ZFAT: variants seen among roughly 807,000 people sequenced by gnomAD.
ZFAT encodes zinc finger protein ZFAT.
Under a neutral mutation model 117.7 loss-of-function variants are expected in ZFAT, and 64 were observed. The ratio of observed to expected loss-of-function variants is 0.54; its 90% CI spans 0.44 to 0.67. The LOEUF (loss-of-function observed/expected upper bound fraction) is 0.67. Among genes scored for constraint, ZFAT ranks in the 30% least tolerant of loss-of-function variants. The probability of loss-of-function intolerance (pLI) is 0.00; values close to 1 mark genes in which losing one functional copy is unlikely to be tolerated. For synonymous variants in ZFAT, 679 were observed against 615.0 expected (o/e 1.10, Z -1.54); for missense variants, 1,433 against 1,584.5 (o/e 0.90, Z 1.62).
intron 1 of ZFAT, among the ~76,000 whole-genome samples, chr8:134,679,022 GGC>G (rs1240507985): frequency 1.3e-5 from 2 of 152,126 alleles, no homozygotes; most frequent in African/African-American, 4.8e-5. Flanking sequence ...TCAGGACATA[GGC>G]ATAGCAAAGA....
intron 7 of ZFAT, chr8:134,599,477 C>A: frequency 3.6e-6 from 1 of 275,900 alleles, no homozygotes; most frequent in Non-Finnish European, 7.1e-6. Context: ...TCATACAGGT[C>A]TCAGGGAAGA....
At chr8:134,696,539 TCTC>T (rs1833852716) in intron 1 of ZFAT, 1 of 985,788 alleles carries the variant, frequency 1.0e-6, no homozygotes, top group East Asian at 1.1e-4. Flanking sequence ...CACCCTTTCT[TCTC>T]AGACTCCTGC....
the ZFAT span, among the ~76,000 whole-genome samples, chr8:134,771,096 T>C: frequency 1.3e-5 from 2 of 152,246 alleles, no homozygotes; most frequent in Admixed American, 1.3e-4. Context: ...AAGTACTTGA[T>C]GTCTGTCACC....
chr8:134,616,678 C>T (rs1303265233), intron 3 of ZFAT, among the ~76,000 whole-genome samples: 5 of 152,186 alleles, frequency 3.3e-5, no homozygotes, highest in African/African-American at 1.2e-4. Flanking sequence ...ATGGGTTTTG[C>T]TTCTCCCTCT....
intron 15 of ZFAT, among the ~76,000 whole-genome samples, chr8:134,488,413 G>A (rs551342088): frequency 6.6e-6 from 1 of 152,232 alleles, no homozygotes; most frequent in African/African-American, 2.4e-5. Context: ...GGAACGTGAA[G>A]TTACATAACA....
At chr8:134,647,315 T>C (rs1216030838) in intron 2 of ZFAT, among the ~76,000 whole-genome samples, 1 of 152,104 alleles carries the variant, frequency 6.6e-6, no homozygotes, top group Non-Finnish European at 1.5e-5. Context: ...TTGACAAAAT[T>C]CAACAACCCT....
chr8:134,619,875 T>C (rs376308833), intron 3 of ZFAT, among the ~76,000 whole-genome samples: 1 of 152,162 alleles, frequency 6.6e-6, no homozygotes, highest in Admixed American at 6.5e-5. Flanking sequence ...ACTGTCTCCA[T>C]GAGTGGTACA....
chr8:134,800,959 C>T, the ZFAT span, among the ~76,000 whole-genome samples: 2 of 152,086 alleles, frequency 1.3e-5, no homozygotes, highest in African/African-American at 2.4e-5. Context: ...CAATAAATGC[C>T]GACATCCTGT....
At chr8:134,589,400 A>G (rs897087140) in intron 8 of ZFAT, among the ~76,000 whole-genome samples, 1 of 152,256 alleles carries the variant, frequency 6.6e-6, no homozygotes, top group African/African-American at 2.4e-5. Flanking sequence ...TCAGTGAGTC[A>G]GTTCCCTTAT....
intron 15 of ZFAT, among the ~76,000 whole-genome samples, chr8:134,505,387 A>C (rs1819324617): frequency 1.3e-5 from 2 of 152,180 alleles, no homozygotes; most frequent in African/African-American, 4.8e-5. Flanking sequence ...GGGCACAGTA[A>C]TGCCCGCACC....
the ZFAT span, among the ~76,000 whole-genome samples, chr8:134,790,064 T>C: frequency 7.2e-5 from 11 of 152,222 alleles, no homozygotes; most frequent in Non-Finnish European, 4.4e-5. Flanking sequence ...TTAATTTTCA[T>C]ACTAAATGGT....
the ZFAT span, among the ~76,000 whole-genome samples, chr8:134,722,475 C>A: frequency 5.5e-4 from 84 of 152,326 alleles, no homozygotes; most frequent in African/African-American, 1.9e-3. Flanking sequence ...CCTGGCCAGG[C>A]CCTCGTGACT....
intron 10 of ZFAT, among the ~76,000 whole-genome samples, chr8:134,581,252 A>G (rs16905187): frequency 0.012 from 1,847 of 152,184 alleles, 37 homozygotes; most frequent in African/African-American, 0.042. Flanking sequence ...CTGTTTACCA[A>G]GCCAGTCCCA....
chr8:134,712,739 G>GGCGGCCGGCGCGGCCGGCGGCCGGC (rs1245557085), intron 1 of ZFAT, 106 bp downstream of exon 1: 3 of 1,135,862 alleles, frequency 2.6e-6, no homozygotes, highest in Non-Finnish European at 2.3e-6. Context: ...GCCGGCGGCC[G>GGCGGCCGGCGCGGCCGGCGGCCGGC]GCGGCCGGCG....
chr8:134,699,354 C>T (rs1296184660), intron 1 of ZFAT, among the ~76,000 whole-genome samples: 1 of 152,212 alleles, frequency 6.6e-6, no homozygotes, highest in Non-Finnish European at 1.5e-5. Context: ...AGCTAACCCA[C>T]AGCCTGCAGG....
chr8:134,701,096 G>A (rs1008241806), intron 1 of ZFAT, among the ~76,000 whole-genome samples: 3 of 152,006 alleles, frequency 2.0e-5, no homozygotes, highest in Non-Finnish European at 4.4e-5. Context: ...ACATTGTTGT[G>A]CAACCATCTC....
At chr8:134,519,620 A>G (rs746113185) in intron 13 of ZFAT, among the ~76,000 whole-genome samples, 1 of 152,154 alleles carries the variant, frequency 6.6e-6, no homozygotes, top group Non-Finnish European at 1.5e-5. Context: ...TCATCCTATT[A>G]TATGTATAGA....
At chr8:134,510,572 G>T in intron 14 of ZFAT, 1 of 168,800 alleles carries the variant, frequency 5.9e-6, no homozygotes, top group Non-Finnish European at 1.3e-5. Flanking sequence ...CAGTGGCTGA[G>T]GCAGTGGCGG....
the ZFAT span, among the ~76,000 whole-genome samples, chr8:134,825,751 T>C: frequency 2.0e-5 from 3 of 152,318 alleles, no homozygotes; most frequent in Admixed American, 1.3e-4. Flanking sequence ...CTGGGCGCGG[T>C]GGCTCATGCC....
Sources: allele counts gnomAD v4.1 joint callset (sites outside exome capture counted in the v4.1 genomes callset), GRCh38; gene constraint gnomAD v4.1.1; transcripts MANE v1.5; gene names NCBI Gene and HGNC (gene_info 2026-07-23, HGNC 2026-07-21).